The following TANC1 variants were observed in gnomAD, a reference collection of about 807,000 sequenced individuals.
TANC1 encodes tetratricopeptide repeat, ankyrin repeat and coiled-coil containing 1.
Under a neutral mutation model 149.7 loss-of-function variants are expected in TANC1, and 77 were observed. The ratio of observed to expected loss-of-function variants is 0.51; its 90% CI spans 0.43 to 0.62. TANC1 has a LOEUF of 0.62. TANC1 is among the 20% of genes least tolerant of loss of function. The pLI, the probability that TANC1 is intolerant of heterozygous loss-of-function variation, is 0.00. For missense variants in TANC1, 1,985 were observed against 2,321.8 expected (o/e 0.85, Z 2.98); for synonymous variants, 854 against 925.0 (o/e 0.92, Z 1.39).
At chr2:159,053,348 A>G (rs1281943322) in intron 2 of TANC1, among the ~76,000 whole-genome samples, 2 of 152,144 alleles carry the variant, frequency 1.3e-5, no homozygotes, top group African/African-American at 4.8e-5. Flanking sequence ...GGCTTCTGTG[A>G]GACTGCTTAC....
rs1574384767 is a variant in TANC1, at chr2:159,057,923, A to G, written c.-15-7973A>G. Reference sequence around the variant, plus strand: ...ACCTGGATGATATACAGTACTAGTGACAATATTGGAGTTTTGTCTTCTAGT... The same window carrying G: ...ACCTGGATGATATACAGTACTAGTGGCAATATTGGAGTTTTGTCTTCTAGT... On this transcript the variant is annotated intron_variant, in intron 2 of 26. Coordinates refer to ENST00000263635, the MANE Select transcript of TANC1 (RefSeq NM_033394.3). Among the ~76,000 whole-genome samples, 3 of 152,318 alleles carry G rather than the reference A, an allele frequency of 2.0e-5. No individual in the cohort carries two copies. The South Asian group carries it at 6.2e-4, about 32-fold the overall frequency.
chr2:159,175,667 A>G (rs550743237), intron 12 of TANC1, among the ~76,000 whole-genome samples: 1 of 152,298 alleles, frequency 6.6e-6, no homozygotes, highest in South Asian at 2.1e-4. Context: ...CAGTGACCTG[A>G]TGGGCCCTTC....
intron 4 of TANC1, among the ~76,000 whole-genome samples, chr2:159,102,712 CTTTTT>C (rs755803794): frequency 1.5e-4 from 4 of 27,104 alleles, no homozygotes; most frequent in African/African-American, 5.2e-4. Context: ...TGGATATTTG[CTTTTT>C]TTTTTTTTTT....
Position 159,001,064 on chromosome 2 carries a change from G to A in TANC1, c.-125-16G>A, listed in dbSNP as rs1383534812. ...GCTTCTAACCCAGGTTGTCTCCTCT[G>A]CTCTTGTTCCTTTAGGAGCTGACTG... On this transcript the variant is annotated splice_polypyrimidine_tract_variant and intron_variant, in intron 1 of 26. Transcript: ENST00000263635. The surrounding 1 kb of genome is among the most constrained non-coding windows in gnomAD (Gnocchi z 4.3). 6.6e-6 allele frequency: 1 copy of A among 152,304 alleles called. No individual in the cohort carries two copies. 9.4% of individuals were successfully genotyped at this position (152,304 alleles called of 1,614,324 possible). A position where few individuals can be genotyped will look rare whatever the true frequency, so the allele number is the denominator to read the frequency against.
intron 18 of TANC1, among the ~76,000 whole-genome samples, chr2:159,197,628 C>CAG (rs70994273): frequency 2.0e-5 from 3 of 151,298 alleles, no homozygotes; most frequent in South Asian, 2.1e-4. Context: ...CACACACACA[C>CAG]AGAGAGATAC....
intron 2 of TANC1, among the ~76,000 whole-genome samples, chr2:159,055,386 C>G (rs915976165): frequency 3.3e-5 from 5 of 152,090 alleles, no homozygotes; most frequent in Non-Finnish European, 5.9e-5. Context: ...GCAAAGCCTC[C>G]CTTTCTTTGA....
intron 19 of TANC1, among the ~76,000 whole-genome samples, chr2:159,207,053 T>C (rs1204691784): frequency 3.3e-5 from 5 of 152,248 alleles, no homozygotes; most frequent in African/African-American, 1.2e-4. Context: ...GGTTACATTA[T>C]TTATAGCACA....
chr2:159,017,730 A>C (rs2038420591), intron 2 of TANC1, among the ~76,000 whole-genome samples: 1 of 152,104 alleles, frequency 6.6e-6, no homozygotes, highest in Non-Finnish European at 1.5e-5. Flanking sequence ...AAGGGGAAGG[A>C]GAGCATTAGG....
intron 3 of TANC1, among the ~76,000 whole-genome samples, chr2:159,080,108 A>G (rs760483880): frequency 6.6e-6 from 1 of 152,120 alleles, no homozygotes; most frequent in Non-Finnish European, 1.5e-5. Context: ...TGGGCACCCC[A>G]TGCCTATACC....
chr2:159,085,263 G>A (rs190131851), intron 3 of TANC1, among the ~76,000 whole-genome samples: 1 of 152,258 alleles, frequency 6.6e-6, no homozygotes, highest in Non-Finnish European at 1.5e-5. Context: ...GTGTTGTGAT[G>A]CATGGGGAAG....
chr2:159,086,526 G>A (rs567043274), intron 3 of TANC1, among the ~76,000 whole-genome samples: 1 of 152,188 alleles, frequency 6.6e-6, no homozygotes, highest in African/African-American at 2.4e-5. Context: ...TAGGGGAAAA[G>A]TGAGACCTTC....
At chr2:159,143,049 C>A (rs1331605773) in intron 5 of TANC1, among the ~76,000 whole-genome samples, 1 of 128,298 alleles carries the variant, frequency 7.8e-6, no homozygotes, top group Non-Finnish European at 1.6e-5. Context: ...GGCCACAGAG[C>A]GAGACTCTGT....
chr2:159,134,105 C>T (rs192304150), intron 4 of TANC1, among the ~76,000 whole-genome samples: 149 of 152,236 alleles, frequency 9.8e-4, no homozygotes, highest in Middle Eastern at 6.8e-3. Flanking sequence ...GAACTGGGCC[C>T]CTGGGACTGT....
At chr2:159,033,008 C>A (rs553319061) in intron 2 of TANC1, among the ~76,000 whole-genome samples, 3 of 152,104 alleles carry the variant, frequency 2.0e-5, no homozygotes, top group African/African-American at 7.2e-5. Context: ...AGAAGCTCAA[C>A]GGAGGAAGAC....
intron 3 of TANC1, among the ~76,000 whole-genome samples, chr2:159,093,980 G>A (rs548428580): frequency 6.6e-6 from 1 of 152,318 alleles, no homozygotes; most frequent in African/African-American, 2.4e-5. Flanking sequence ...AATTTCTCTT[G>A]TGTCATGTTG....
At chr2:159,085,093 G>A (rs1295210722) in intron 3 of TANC1, among the ~76,000 whole-genome samples, 1 of 152,226 alleles carries the variant, frequency 6.6e-6, no homozygotes, top group Non-Finnish European at 1.5e-5. Context: ...ATGGCTTGGT[G>A]CTGTTCTCCT....
rs140918315 is a variant in TANC1 at position 159,001,754 on chromosome 2, A to G, written c.-16+565A>G. Among the ~76,000 whole-genome samples the G allele has an allele frequency of 5.5e-4, 84 of 152,352 alleles. No homozygotes were observed. The highest frequency in any genetic ancestry group is 1.8e-3 in the African/African-American group (75 of 41,578). On this transcript the variant is annotated intron_variant, in intron 2 of 26. Transcript: ENST00000263635. The surrounding 1 kb of genome is among the most constrained non-coding windows in gnomAD (Gnocchi z 4.3). ...TTAACCAGATTAGGCAACTTGCCCA[A>G]GGTCATACATCCAGAAATGGTAGGG...
intron 2 of TANC1, among the ~76,000 whole-genome samples, chr2:159,043,224 C>T (rs1320551213): frequency 6.6e-6 from 1 of 152,146 alleles, no homozygotes; most frequent in East Asian, 1.9e-4. Context: ...TTGATAAACT[C>T]TGTGCCTCTC....
Position 158,981,493 on chromosome 2 carries a change from ATATATATATATATATATATATATATATAT to A in TANC1, c.-126+12712_-126+12740del, listed in dbSNP as rs2034325967. 1.2e-3 allele frequency among the ~76,000 whole-genome samples: 59 copies of A among 48,558 alleles called. 1 individual carries two copies. Among genetic ancestry groups the A allele is most frequent in the African/African-American group, 4.0e-3 (54 of 13,552 alleles). 31.9% of individuals were successfully genotyped at this position (48,558 alleles called of 152,430 possible). A position where few individuals can be genotyped will look rare whatever the true frequency, so the allele number is the denominator to read the frequency against. On this transcript the variant is annotated intron_variant, in intron 1 of 26. Coordinates refer to ENST00000263635, the MANE Select transcript of TANC1 (RefSeq NM_033394.3). The stretch of plus-strand genomic sequence containing the variant: ...GTTTAGCAATTAATATATAGCTTTT[ATATATATATATATATATATATATATATAT>A]ATATATATATATATATATATAAAGA...
Sources: allele counts gnomAD v4.1 joint callset (sites outside exome capture counted in the v4.1 genomes callset), GRCh38; gene constraint gnomAD v4.1.1; non-coding constraint Gnocchi (gnomAD v3.1); transcripts MANE v1.5; gene names NCBI Gene and HGNC (gene_info 2026-07-23, HGNC 2026-07-21).